Variants in SPRED2 observed in about 807,000 individuals in gnomAD.
SPRED2 encodes the protein sprouty-related, EVH1 domain-containing protein 2.
In SPRED2, 47 loss-of-function variants were observed where a neutral mutation model predicts 43.0. That is an observed-to-expected ratio of 1.09 (90% CI 0.87 to 1.40). SPRED2 has a LOEUF of 1.40. Among genes scored for constraint, SPRED2 ranks in the 40% most tolerant of loss-of-function variants. The pLI, the probability that SPRED2 is intolerant of heterozygous loss-of-function variation, is 0.00. For synonymous variants in SPRED2, 225 were observed against 225.7 expected (o/e 1.00, Z 0.03); for missense variants, 561 against 586.4 (o/e 0.96, Z 0.45).
In SPRED2 at chr2:65,311,849, C is replaced by T; in HGVS notation, c.*1652G>A. 1 of 985,466 alleles carries T rather than the reference C, an allele frequency of 1.0e-6. No individual in the cohort carries two copies. Among genetic ancestry groups the T allele is most frequent in the Non-Finnish European group, 1.2e-6 (1 of 829,952 alleles). The allele number at this position is 985,466 out of a possible 1,614,324, so 61.0% of individuals were successfully genotyped here. A position where few individuals can be genotyped will look rare whatever the true frequency, so the allele number is the denominator to read the frequency against. ...CCCATGAAGGTGAGCACAGCTAGCA[C>T]TTTCCCAATATGATTGGCAGACTGG... On this transcript the variant is annotated 3_prime_UTR_variant, in exon 6 of 6. Transcript: ENST00000356388.
In SPRED2 at chr2:65,334,596, G is replaced by A. The variant is rs1210614679; in HGVS notation, c.373+9C>T. 1 of 1,613,816 alleles carries A rather than the reference G, an allele frequency of 6.2e-7. No individual in the cohort carries two copies. ...AGTCCCACTAAGAATGCAGCGACAAGTTCAATACCTTCTATAAGGTCTTCG... is the reference window on the plus strand; with the variant it reads ...AGTCCCACTAAGAATGCAGCGACAAATTCAATACCTTCTATAAGGTCTTCG... On this transcript the variant is annotated intron_variant, in intron 3 of 5. Coordinates refer to ENST00000356388, the MANE Select transcript of SPRED2 (RefSeq NM_181784.3).
At position 65,335,275 on chromosome 2, in the gene SPRED2, C is replaced by T. The variant is rs560559510; in HGVS notation, c.205-502G>A. On this transcript the variant is annotated intron_variant, in intron 2 of 5. Coordinates refer to ENST00000356388, the MANE Select transcript of SPRED2 (RefSeq NM_181784.3). ...CTGTGGTCATCTTTGCCTCCTCTGC[C>T]TATCTCCTGTATTATTAATCACCAG... is the stretch of plus-strand genomic sequence containing the variant. 3.3e-5 allele frequency among the ~76,000 whole-genome samples: 5 copies of T among 152,294 alleles called. No individual in the cohort carries two copies. The South Asian group carries it at 8.3e-4, about 25-fold the overall frequency.
intron 1 of SPRED2, among the ~76,000 whole-genome samples, chr2:65,430,957 T>C (rs1676669490): frequency 6.6e-6 from 1 of 151,584 alleles, no homozygotes; most frequent in Non-Finnish European, 1.5e-5. Context: ...GGCATAAGAC[T>C]TGAGGCGTCG....
intron 4 of SPRED2, among the ~76,000 whole-genome samples, chr2:65,318,941 C>A (rs1173895217): frequency 2.0e-5 from 3 of 152,160 alleles, no homozygotes; most frequent in Non-Finnish European, 4.4e-5. Flanking sequence ...AGCCACCATA[C>A]CCTGACTTAT....
intron 1 of SPRED2, among the ~76,000 whole-genome samples, chr2:65,410,012 G>C (rs187891424): frequency 9.4e-4 from 138 of 147,424 alleles, no homozygotes; most frequent in African/African-American, 3.3e-3. Context: ...CTTGGTAACA[G>C]AGTGAGACTC....
At chr2:65,401,933 G>GCACACACA (rs141434693) in intron 1 of SPRED2, among the ~76,000 whole-genome samples, 36 of 83,820 alleles carry the variant, frequency 4.3e-4, no homozygotes, top group South Asian at 2.1e-3. Context: ...ATTAGCGCGC[G>GCACACACA]CGCGCACACA....
chr2:65,317,428 G>C (rs570037164), intron 4 of SPRED2, among the ~76,000 whole-genome samples: 32 of 152,202 alleles, frequency 2.1e-4, no homozygotes, highest in Non-Finnish European at 3.7e-4. Context: ...CAGGAGAATT[G>C]TTTGAACCCG....
intron 2 of SPRED2, among the ~76,000 whole-genome samples, chr2:65,337,796 C>G (rs1674010372): frequency 6.6e-6 from 1 of 152,134 alleles, no homozygotes; most frequent in Non-Finnish European, 1.5e-5. Context: ...AATTGGTCAC[C>G]TTGAAGGCAA....
chr2:65,386,122 TAA>T (rs1675492431), intron 1 of SPRED2, among the ~76,000 whole-genome samples: 1 of 151,910 alleles, frequency 6.6e-6, no homozygotes, highest in Non-Finnish European at 1.5e-5. Flanking sequence ...TCATCTCTAC[TAA>T]AGATACAAAA....
At chr2:65,383,019 C>T (rs1165169573) in intron 1 of SPRED2, among the ~76,000 whole-genome samples, 5 of 152,232 alleles carry the variant, frequency 3.3e-5, no homozygotes, top group Non-Finnish European at 7.3e-5. Context: ...TCTCCAAGTT[C>T]CGCTGCGGCA....
chr2:65,326,978 C>T lies in SPRED2; in HGVS notation c.438+5009G>A, dbSNP rs565749191. On this transcript the variant is annotated intron_variant, in intron 4 of 5. Transcript: ENST00000356388. ...ACCTCAGCCTCCCAAGTAGCTGGGA[C>T]CACAGGAGCACATCACCATGCCTGG... is the stretch of plus-strand genomic sequence containing the variant. Among the ~76,000 whole-genome samples the T allele has an allele frequency of 2.7e-3, 405 of 152,144 alleles. 1 individual carries two copies. The highest frequency in any genetic ancestry group is 4.5e-3 in the Non-Finnish European group (308 of 68,006).
chr2:65,329,834 A>G (rs1673754680), intron 4 of SPRED2, among the ~76,000 whole-genome samples: 1 of 152,194 alleles, frequency 6.6e-6, no homozygotes. Flanking sequence ...TCGGAGCACT[A>G]TAGGAAGTCT....
rs1491266235 is a variant in SPRED2 at position 65,322,295 on chromosome 2, T to TATA, written c.439-5413_439-5412insTAT. Among the ~76,000 whole-genome samples the TATA allele has an allele frequency of 4.2e-4, 19 of 44,964 alleles. 1 individual carries two copies. The highest frequency in any genetic ancestry group is 1.4e-3 in the East Asian group (1 of 692). 29.5% of individuals were successfully genotyped at this position (44,964 alleles called of 152,430 possible). The stretch of plus-strand genomic sequence containing the variant: ...CTATATATATATATATATATATATA[T>TATA]TTTTTTTTTTTTTTTTGAGACGGAG... On this transcript the variant is annotated intron_variant, in intron 4 of 5. Coordinates refer to ENST00000356388, the MANE Select transcript of SPRED2 (RefSeq NM_181784.3).
chr2:65,322,316 C>T (rs1357896499), intron 4 of SPRED2, among the ~76,000 whole-genome samples: 5 of 68,018 alleles, frequency 7.4e-5, no homozygotes, highest in Non-Finnish European at 1.1e-4. Flanking sequence ...TTTTTTGAGA[C>T]GGAGTCTTGC....
intron 3 of SPRED2, among the ~76,000 whole-genome samples, chr2:65,332,903 T>C (rs1371177825): frequency 3.3e-5 from 5 of 152,212 alleles, no homozygotes; most frequent in Non-Finnish European, 5.9e-5. Flanking sequence ...CAGTGACAGA[T>C]ATACCAAAAG....
intron 1 of SPRED2, among the ~76,000 whole-genome samples, chr2:65,345,367 G>A (rs1036989888): frequency 4.7e-5 from 7 of 148,618 alleles, no homozygotes; most frequent in Admixed American, 1.4e-4. Flanking sequence ...GGGTTCAAGC[G>A]ATTCTGATTC....
intron 1 of SPRED2, among the ~76,000 whole-genome samples, chr2:65,389,737 T>C (rs1316248195): frequency 6.6e-6 from 1 of 152,222 alleles, no homozygotes; most frequent in African/African-American, 2.4e-5. Context: ...ACTAAAGGTA[T>C]TTCTTTTTGA....
chr2:65,331,330 G>A (rs908620753), intron 4 of SPRED2, among the ~76,000 whole-genome samples: 6 of 152,178 alleles, frequency 3.9e-5, no homozygotes, highest in African/African-American at 1.4e-4. Context: ...ACAGCAGGCA[G>A]GCAATGAACT....
intron 5 of SPRED2, among the ~76,000 whole-genome samples, chr2:65,315,848 C>T (rs757129243): frequency 1.4e-4 from 21 of 152,242 alleles, no homozygotes; most frequent in Middle Eastern, 3.4e-3. Flanking sequence ...TTAGTAGACA[C>T]GGGGTTTCAC....
Sources: gnomAD v4.1 joint callset for allele counts (sites outside exome capture counted in the v4.1 genomes callset) on GRCh38, gnomAD v4.1.1 for gene constraint, MANE v1.5 for transcripts, NCBI Gene and HGNC (gene_info 2026-07-23, HGNC 2026-07-21) for gene names.